Variants in PLCG2 observed in about 807,000 individuals in gnomAD.
PLCG2 encodes the protein 1-phosphatidylinositol 4,5-bisphosphate phosphodiesterase gamma-2.
In PLCG2, 69 loss-of-function variants were observed where a neutral mutation model predicts 175.6. That is an observed-to-expected ratio of 0.39 (90% CI 0.32 to 0.48). PLCG2 has a LOEUF of 0.48. Among genes scored for constraint, PLCG2 ranks in the 20% least tolerant of loss-of-function variants. PLCG2 has a pLI of 0.91. For missense variants in PLCG2, 1,798 were observed against 1,650.9 expected (o/e 1.09, Z -1.54); for synonymous variants, 827 against 624.0 (o/e 1.33, Z -4.85).
intron 5 of PLCG2, among the ~76,000 whole-genome samples, chr16:81,868,726 T>C (rs772803378): frequency 5.9e-5 from 9 of 152,234 alleles, no homozygotes; most frequent in Non-Finnish European, 1.0e-4. Flanking sequence ...TTCTGTGGCA[T>C]TTTGTATTGA....
chr16:81,747,591 C>G (rs942604621), intron 1 of PLCG2, among the ~76,000 whole-genome samples: 2 of 151,226 alleles, frequency 1.3e-5, no homozygotes, highest in Non-Finnish European at 3.0e-5. Context: ...GATTGGAAGT[C>G]ATCTACACAT....
rs558162640 is a variant in PLCG2 at position 81,811,649 on chromosome 16, T to A, written c.193+25467T>A. Among the ~76,000 whole-genome samples, 6 of 152,278 alleles carry A rather than the reference T, an allele frequency of 3.9e-5. No individual in the cohort carries two copies. The South Asian group carries it at 1.2e-3, about 32-fold the overall frequency. Reference sequence around the variant, plus strand: ...GTTTCCTGTTCTTGTGTTAGTTTGCTGAGAATGATGGTTTCCAGCTTCATC... The same window carrying A: ...GTTTCCTGTTCTTGTGTTAGTTTGCAGAGAATGATGGTTTCCAGCTTCATC... On this transcript the variant is annotated intron_variant, in intron 2 of 32. Transcript: ENST00000564138.
chr16:81,794,478 A>T (rs1403820492), intron 2 of PLCG2, among the ~76,000 whole-genome samples: 2 of 152,340 alleles, frequency 1.3e-5, no homozygotes, highest in Middle Eastern at 6.8e-3. Context: ...TGAAGTGTCC[A>T]TAAATGTATT....
At chr16:81,791,996 A>T (rs1437839128) in intron 2 of PLCG2, among the ~76,000 whole-genome samples, 2 of 152,202 alleles carry the variant, frequency 1.3e-5, no homozygotes, top group African/African-American at 4.8e-5. Context: ...CAGATCAGCA[A>T]GCCCAGCTCA....
At chr16:81,782,344 T>G (rs1241623836) in intron 1 of PLCG2, among the ~76,000 whole-genome samples, 4 of 152,090 alleles carry the variant, frequency 2.6e-5, no homozygotes, top group African/African-American at 7.2e-5. Flanking sequence ...GAATTACCCA[T>G]TAAGAATGGG....
At chr16:81,833,582 T>C (rs1905361662) in intron 2 of PLCG2, among the ~76,000 whole-genome samples, 1 of 148,746 alleles carries the variant, frequency 6.7e-6, no homozygotes, top group Admixed American at 6.9e-5. Context: ...CAGGCTGGAG[T>C]GCGGTGGTGT....
rs576591138 is a variant in PLCG2, at chr16:81,953,780, A to G, written c.3571-2915A>G. Among the ~76,000 whole-genome samples, 3 of 152,266 alleles carry G rather than the reference A, an allele frequency of 2.0e-5. No individual in the cohort carries two copies. In the South Asian group the frequency reaches 6.2e-4, roughly 32 times the overall value. On this transcript the variant is annotated intron_variant, in intron 31 of 32. Transcript: ENST00000564138. ...CTTTTCTGAATGTGCATTATATCTC[A>G]TATATATACAGTGTACCCAGGACTA...
At chr16:81,881,110 C>T (rs534059730) in intron 8 of PLCG2, among the ~76,000 whole-genome samples, 157 bp downstream of exon 8, 7 of 152,262 alleles carry the variant, frequency 4.6e-5, no homozygotes, top group Middle Eastern at 6.8e-3. Context: ...ATGCCTGTGG[C>T]GTGGATAGAG....
intron 7 of PLCG2, among the ~76,000 whole-genome samples, chr16:81,877,528 G>A (rs1457677654): frequency 1.3e-5 from 2 of 152,356 alleles, no homozygotes; most frequent in East Asian, 3.9e-4. Flanking sequence ...AAATCCAGGT[G>A]TTGGCAGGGC....
chr16:81,827,191 T>G (rs974113067), intron 2 of PLCG2, among the ~76,000 whole-genome samples: 5 of 59,196 alleles, frequency 8.4e-5, no homozygotes, highest in Non-Finnish European at 1.8e-4. Flanking sequence ...GATTGCTGGG[T>G]TTTTTTTTTT....
intron 2 of PLCG2, chr16:81,767,424 C>G (rs897081841): frequency 1.3e-5 from 2 of 152,186 alleles, no homozygotes; most frequent in Admixed American, 1.3e-4. Flanking sequence ...GAATTACAGG[C>G]GTGAACCACT....
intron 1 of PLCG2, among the ~76,000 whole-genome samples, chr16:81,742,939 G>C (rs1013900454): frequency 6.6e-6 from 1 of 152,150 alleles, no homozygotes; most frequent in East Asian, 1.9e-4. Context: ...CAATAACTTA[G>C]TGTCCCATTT....
chr16:81,928,040 C>T (rs1000661884), intron 23 of PLCG2, among the ~76,000 whole-genome samples: 2 of 151,392 alleles, frequency 1.3e-5, no homozygotes, highest in African/African-American at 4.9e-5. Flanking sequence ...TCTCCTAAGC[C>T]CAGGATATTC....
chr16:81,852,423 C>A (rs912032934), intron 2 of PLCG2, among the ~76,000 whole-genome samples: 1 of 152,024 alleles, frequency 6.6e-6, no homozygotes, highest in Non-Finnish European at 1.5e-5. Flanking sequence ...ATGGGTGCAT[C>A]CCATGAAAAG....
chr16:81,864,152 G>T (rs1182202181), intron 5 of PLCG2, among the ~76,000 whole-genome samples: 1 of 152,146 alleles, frequency 6.6e-6, no homozygotes, highest in Non-Finnish European at 1.5e-5. Flanking sequence ...GAAAGTGGAG[G>T]CTGCTGGGCT....
intron 1 of PLCG2, among the ~76,000 whole-genome samples, chr16:81,742,280 C>G (rs954407615): frequency 6.6e-6 from 1 of 152,064 alleles, no homozygotes; most frequent in Non-Finnish European, 1.5e-5. Flanking sequence ...AGGTCTCATT[C>G]ATGCATTCAA....
At chr16:81,840,656 C>G (rs143862574) in intron 2 of PLCG2, among the ~76,000 whole-genome samples, 2 of 152,138 alleles carry the variant, frequency 1.3e-5, no homozygotes, top group Non-Finnish European at 2.9e-5. Flanking sequence ...AATCTAACGC[C>G]GCTGATGATC....
chr16:81,958,251 CT>C lies in PLCG2; in HGVS notation c.*254del, dbSNP rs1347295252. On this transcript the variant is annotated 3_prime_UTR_variant, in exon 33 of 33. Transcript: ENST00000564138. ...AAAATGTGCTCCTCATTTTTGGCCT[CT>C]CATGTTCCAAACCTCATTGAATAAA... 7 of 515,982 alleles carry C rather than the reference CT, an allele frequency of 1.4e-5. No individual in the cohort carries two copies. Among genetic ancestry groups the C allele is most frequent in the African/African-American group, 3.8e-5 (2 of 52,450 alleles). The allele number at this position is 515,982 out of a possible 1,614,324, so 32.0% of individuals were successfully genotyped here. A position where few individuals can be genotyped will look rare whatever the true frequency, so the allele number is the denominator to read the frequency against.
intron 32 of PLCG2, among the ~76,000 whole-genome samples, 179 bp downstream of exon 32, chr16:81,957,058 G>T (rs975960405): frequency 6.6e-6 from 1 of 152,012 alleles, no homozygotes; most frequent in Admixed American, 6.6e-5. Flanking sequence ...CAGCACTTTG[G>T]GAGGCTGAGG....
Sources: gnomAD v4.1 joint callset for allele counts (sites outside exome capture counted in the v4.1 genomes callset) on GRCh38, gnomAD v4.1.1 for gene constraint, MANE v1.5 for transcripts, NCBI Gene and HGNC (gene_info 2026-07-23, HGNC 2026-07-21) for gene names.